Variants in STAG3 observed in about 807,000 individuals in gnomAD.
The protein encoded by STAG3 is STAG3 cohesin complex component.
In STAG3, 101 loss-of-function variants were observed where a neutral mutation model predicts 160.7. That is an observed-to-expected ratio of 0.63 (90% confidence interval 0.54 to 0.74). The LOEUF (loss-of-function observed/expected upper bound fraction) is 0.74. Ranked by LOEUF, STAG3 falls within the 30% of genes least tolerant of loss-of-function variation. The pLI, the probability that STAG3 is intolerant of heterozygous loss-of-function variation, is 0.00. For synonymous variants in STAG3, 519 were observed against 585.0 expected, an observed-to-expected ratio of 0.89 and a Z score of 1.63; for missense variants, 1,188 against 1,517.4, an observed-to-expected ratio of 0.78 and a Z score of 3.61.
At chr7:100,201,181 TC>T in intron 20 of STAG3, 21 bp downstream of exon 20, 1 of 1,614,188 alleles carries the variant, frequency 6.2e-7, no homozygotes, top group Non-Finnish European at 8.5e-7. Context: ...TTCCTCCTCT[TC>T]CCCATCCCGT....
chr7:100,217,082 C>A (rs1177666797), downstream of STAG3, among the ~76,000 whole-genome samples: 1 of 152,226 alleles, frequency 6.6e-6, no homozygotes, highest in Non-Finnish European at 1.5e-5. Context: ...CAATACTGAT[C>A]GTATTCCAAG....
rs1161456733 is a variant in STAG3, at chr7:100,188,807, T to C, written c.511-5T>C. 3 of 1,614,132 alleles carry C rather than the reference T, an allele frequency of 1.9e-6. No homozygotes were observed. In the South Asian group the frequency reaches 3.3e-5, roughly 18 times the overall value. On this transcript the variant is annotated splice_polypyrimidine_tract_variant and splice_region_variant and intron_variant, in intron 6 of 33. Transcript: ENST00000615138. ...TTCCCATCCTTTTCATACATCCTTT[T>C]GTAGGACTCGGGGGACTACCCTCTC...
Position 100,202,210 on chromosome 7 carries a change from C to G in STAG3, c.2433C>G (p.Ser811Arg). 6.2e-7 allele frequency: 1 copy of G among 1,614,100 alleles called. No individual in the cohort carries two copies. The highest frequency in any genetic ancestry group is 1.1e-5 in the South Asian group (1 of 91,066). ...TAAGTGATCTACTTCTCATCTTTAG[C>G]CCTCAGATGATTGTTGGGGGCCGTG... is the stretch of plus-strand genomic sequence containing the variant. ...VLLSDLLLIF[S>R]PQMIVGGRDF... Residue 811 changes from serine (S) to arginine (R), a missense_variant, in exon 24 of 34, where the codon AGC (serine) becomes AGG (arginine). Ser to Arg is a moderately radical substitution (Grantham distance 110). Around this residue, in one of 4 missense-constraint regions of STAG3, gnomAD observed 647 missense variants for 717.2 expected, o/e 0.90. Transcript: ENST00000615138.
chr7:100,186,731 A>G (rs1562968235), intron 5 of STAG3, among the ~76,000 whole-genome samples: 1 of 152,230 alleles, frequency 6.6e-6, no homozygotes, highest in Non-Finnish European at 1.5e-5. Flanking sequence ...TTTTTTATTG[A>G]TAAATATGGG....
intron 9 of STAG3, among the ~76,000 whole-genome samples, 179 bp from the exon 10 acceptor site, chr7:100,196,977 T>C (rs568994606): frequency 6.6e-6 from 1 of 152,212 alleles, no homozygotes; most frequent in Admixed American, 6.5e-5. Flanking sequence ...TTAAAAAAAA[T>C]ATTTACATGT....
Position 100,200,493 on chromosome 7 carries a change from T to C in STAG3, c.1811T>C (p.Leu604Pro). 1.2e-6 allele frequency: 2 copies of C among 1,614,150 alleles called. No individual in the cohort carries two copies. The highest frequency in any genetic ancestry group is 1.7e-6 in the Non-Finnish European group (2 of 1,180,034). Residue 604 changes from leucine to proline, a missense_variant, in exon 18 of 34, where the codon CTT becomes CCT. Coordinates refer to ENST00000615138, the MANE Select transcript of STAG3 (RefSeq NM_001282717.2). ...DAEKVTPLLQ[L>P]LSCFDLHIYC... ...GAGAAGGTCACTCCCCTGCTCCAGC[T>C]TCTCAGCTGCTTTGACCTCCACATC...
chr7:100,179,963 G>C (rs1345872030), intron 1 of STAG3, among the ~76,000 whole-genome samples: 1 of 152,210 alleles, frequency 6.6e-6, no homozygotes, highest in Non-Finnish European at 1.5e-5. Context: ...TCGAACCCCT[G>C]ACCTCAGGTG....
intron 32 of STAG3, 99 bp downstream of exon 32, chr7:100,211,975 T>G: frequency 9.0e-7 from 1 of 1,116,438 alleles, no homozygotes; most frequent in Non-Finnish European, 1.3e-6. Context: ...TGATGCCTGG[T>G]CTGGAAAAGC....
chr7:100,195,182 A>T, intron 8 of STAG3, 127 bp from the exon 9 acceptor site: 1 of 798,722 alleles, frequency 1.3e-6, no homozygotes, highest in Non-Finnish European at 2.2e-6. Flanking sequence ...AGAGCATAGG[A>T]TTACGGGGGT....
chr7:100,200,726 C>T (rs1192048044), intron 18 of STAG3, 43 bp from the exon 19 acceptor site: 2 of 1,601,836 alleles, frequency 1.2e-6, no homozygotes, highest in African/African-American at 2.7e-5. Flanking sequence ...GAGTGTCCTC[C>T]TCCCATCCCC....
At chr7:100,188,097 C>T (rs1468874860) in intron 5 of STAG3, among the ~76,000 whole-genome samples, 1 of 152,162 alleles carries the variant, frequency 6.6e-6, no homozygotes, top group Admixed American at 6.5e-5. Flanking sequence ...TGCTTCTTGG[C>T]AAAGCACATA....
chr7:100,208,070 T>C (rs1306355555), intron 29 of STAG3, among the ~76,000 whole-genome samples: 1 of 151,956 alleles, frequency 6.6e-6, no homozygotes, highest in Non-Finnish European at 1.5e-5. Flanking sequence ...GAGCCGAGAT[T>C]GTTCCACTGC....
chr7:100,210,915 T>C (rs1451538619), intron 29 of STAG3, 96 bp from the exon 30 acceptor site: 3 of 1,337,042 alleles, frequency 2.2e-6, no homozygotes, highest in Non-Finnish European at 3.1e-6. Context: ...CTCTTCCTGA[T>C]TGACTTTCCC....
chr7:100,210,358 A>T (rs1012611445), intron 29 of STAG3, among the ~76,000 whole-genome samples: 2 of 152,210 alleles, frequency 1.3e-5, no homozygotes, highest in African/African-American at 4.8e-5. Context: ...GCTTTAAAAT[A>T]GTATTGCCTG....
chr7:100,200,923 A>G lies in STAG3; in HGVS notation c.2015A>G (p.Asp672Gly). 1 of 1,614,116 alleles carries G rather than the reference A, an allele frequency of 6.2e-7. No individual in the cohort carries two copies. The highest frequency in any genetic ancestry group is 1.1e-5 in the South Asian group (1 of 91,078). Residue 672 changes from aspartate to glycine, a missense_variant, in exon 19 of 34, where the codon GAT becomes GGT. This residue lies in a region of STAG3 where 647 missense variants were observed against 717.2 expected (regional missense o/e 0.90). Transcript: ENST00000615138. ...GACTTTGCCCGCAGCCAGCTAGTAG[A>G]TTTGCTGACTGACCGCTTCCAGCAG... ...RADFARSQLV[D>G]LLTDRFQQEL...
intron 1 of STAG3, among the ~76,000 whole-genome samples, chr7:100,179,935 A>G (rs1355759831): frequency 6.6e-6 from 1 of 152,144 alleles, no homozygotes; most frequent in African/African-American, 2.4e-5. Flanking sequence ...GGGTTTCTCC[A>G]TGTTGGTCAG....
chr7:100,187,256 C>T (rs1800065800), intron 5 of STAG3, among the ~76,000 whole-genome samples: 1 of 151,988 alleles, frequency 6.6e-6, no homozygotes, highest in African/African-American at 2.4e-5. Flanking sequence ...CTCCTGACCT[C>T]AGGCGATCCC....
intron 21 of STAG3, 57 bp from the exon 22 acceptor site, chr7:100,201,729 A>G (rs372384774): frequency 2.1e-6 from 3 of 1,461,074 alleles, no homozygotes; most frequent in Admixed American, 1.7e-5. Context: ...GTTTCTGGCT[A>G]TCTGTCTCTC....
At chr7:100,191,653 G>T (rs1463812836) in intron 8 of STAG3, among the ~76,000 whole-genome samples, 6 of 152,132 alleles carry the variant, frequency 3.9e-5, no homozygotes. Context: ...GTTGGTGGAG[G>T]GTCTTGCCTC....
Sources: gnomAD v4.1 joint callset for allele counts (sites outside exome capture counted in the v4.1 genomes callset) on GRCh38, gnomAD v4.1.1 for gene constraint, gnomAD v4.1.1 regional missense constraint, MANE v1.5 for transcripts, NCBI Gene and HGNC (gene_info 2026-07-23, HGNC 2026-07-21) for gene names.